PDE4D: variants seen among roughly 807,000 people sequenced by gnomAD.
PDE4D encodes the protein 3',5'-cyclic-AMP phosphodiesterase 4D.
In PDE4D, 24 loss-of-function variants were observed where a neutral mutation model predicts 87.4. That is an observed-to-expected ratio of 0.27 (90% confidence interval 0.20 to 0.39). PDE4D has a LOEUF of 0.39. Ranked by LOEUF, PDE4D falls within the 10% of genes least tolerant of loss-of-function variation. PDE4D has a pLI of 1.00. For synonymous variants in PDE4D, 384 were observed against 383.2 expected (o/e 1.00, Z -0.02); for missense variants, 714 against 1,041.0 (o/e 0.69, Z 4.32).
intron 1 of PDE4D, among the ~76,000 whole-genome samples, chr5:60,433,697 T>C (rs1744539890): frequency 6.6e-6 from 1 of 152,160 alleles, no homozygotes; most frequent in African/African-American, 2.4e-5. Context: ...TTAGACTGAA[T>C]AAAGAAAATG....
intron 3 of PDE4D, among the ~76,000 whole-genome samples, chr5:59,955,607 A>G (rs1454739556): frequency 6.6e-6 from 1 of 152,122 alleles, no homozygotes; most frequent in African/African-American, 2.4e-5. Flanking sequence ...AGCGAGGAGC[A>G]TTTTCTTTTT....
intron 2 of PDE4D, among the ~76,000 whole-genome samples, chr5:60,046,081 A>G (rs1466122762): frequency 1.3e-5 from 2 of 152,138 alleles, no homozygotes; most frequent in African/African-American, 4.8e-5. Context: ...GGTCCTTCAC[A>G]TCCCTTGTTA....
intron 5 of PDE4D, among the ~76,000 whole-genome samples, chr5:59,169,366 C>T (rs1437573362): frequency 6.6e-6 from 1 of 151,144 alleles, no homozygotes; most frequent in Non-Finnish European, 1.5e-5. Flanking sequence ...GGTACTGTGT[C>T]CAAGAAGACA....
At chr5:59,817,205 G>T (rs1769073139) in intron 1 of PDE4D, among the ~76,000 whole-genome samples, 1 of 152,228 alleles carries the variant, frequency 6.6e-6, no homozygotes, top group Non-Finnish European at 1.5e-5. Context: ...AGGAAGTTTG[G>T]AAGATTAGAT....
At chr5:59,005,603 A>C (rs9292189) in intron 6 of PDE4D, among the ~76,000 whole-genome samples, 31,338 of 152,154 alleles carry the variant, frequency 0.21, 3,679 homozygotes, top group East Asian at 0.54. Context: ...TCTTATAGTC[A>C]GACTTGGCTT....
At chr5:60,493,548 C>A (rs1749646624) in intron 1 of PDE4D, among the ~76,000 whole-genome samples, 3 of 152,176 alleles carry the variant, frequency 2.0e-5, no homozygotes, top group African/African-American at 2.4e-5. Context: ...GAAGGAATAG[C>A]CACCCCAGAG....
chr5:59,297,212 C>T (rs1056918653), intron 1 of PDE4D, among the ~76,000 whole-genome samples: 9 of 152,162 alleles, frequency 5.9e-5, no homozygotes, highest in African/African-American at 1.2e-4. Flanking sequence ...TCAGAGTTAA[C>T]ATCCTATAAA....
At chr5:60,005,493 C>A (rs547735926) in intron 2 of PDE4D, among the ~76,000 whole-genome samples, 2 of 152,034 alleles carry the variant, frequency 1.3e-5, no homozygotes, top group South Asian at 4.2e-4. Context: ...CATATACACA[C>A]ACATACATAC....
intron 1 of PDE4D, among the ~76,000 whole-genome samples, chr5:59,520,150 C>T (rs1016108252): frequency 6.6e-6 from 1 of 152,114 alleles, no homozygotes; most frequent in African/African-American, 2.4e-5. Flanking sequence ...GTAGTCCCAG[C>T]TACTTCGAAG....
intron 1 of PDE4D, among the ~76,000 whole-genome samples, chr5:59,453,968 T>TA (rs1799532466): frequency 1.3e-5 from 2 of 152,230 alleles, no homozygotes; most frequent in South Asian, 4.1e-4. Flanking sequence ...TAGGGGCTAA[T>TA]GCAGCTGAGG....
Position 60,244,876 on chromosome 5 carries a change from T to C in PDE4D, c.-89-59189A>G, listed in dbSNP as rs146883568. 4.1e-3 allele frequency among the ~76,000 whole-genome samples: 622 copies of C among 152,140 alleles called. 14 individuals are homozygous for C. The highest frequency in any genetic ancestry group is 0.033 in the Admixed American group (508 of 15,242). On this transcript the variant is annotated intron_variant, in intron 1 of 16. Coordinates refer to the PDE4D transcript ENST00000502484. Reference sequence around the variant, plus strand: ...ACATTGGGGAAACTCTCCAGGACACTGGACTGGGCAAAAATTTCTTGAGTA... The same window carrying C: ...ACATTGGGGAAACTCTCCAGGACACCGGACTGGGCAAAAATTTCTTGAGTA...
intron 1 of PDE4D, among the ~76,000 whole-genome samples, chr5:60,428,772 A>G (rs1442508653): frequency 6.6e-6 from 1 of 152,232 alleles, no homozygotes; most frequent in Non-Finnish European, 1.5e-5. Flanking sequence ...ATTATTTACC[A>G]TTGTGTTACC....
At chr5:60,417,719 G>GA (rs1048448216) in intron 1 of PDE4D, among the ~76,000 whole-genome samples, 6 of 151,482 alleles carry the variant, frequency 4.0e-5, no homozygotes, top group African/African-American at 9.7e-5. Context: ...CCAAGAAGAA[G>GA]AAAAAAAACT....
At chr5:60,293,685 C>T (rs149339530) in intron 1 of PDE4D, among the ~76,000 whole-genome samples, 1 of 152,174 alleles carries the variant, frequency 6.6e-6, no homozygotes, top group Non-Finnish European at 1.5e-5. Context: ...GAAATGGAAT[C>T]ATACCACATG....
intron 1 of PDE4D, among the ~76,000 whole-genome samples, chr5:59,416,090 T>C (rs779700913): frequency 2.0e-5 from 3 of 152,310 alleles, no homozygotes; most frequent in East Asian, 3.9e-4. Context: ...CATGATCACA[T>C]TGTTAATCTC....
intron 1 of PDE4D, among the ~76,000 whole-genome samples, chr5:59,863,686 T>C (rs1746608175): frequency 6.6e-6 from 1 of 152,218 alleles, no homozygotes; most frequent in Non-Finnish European, 1.5e-5. Flanking sequence ...GGTATTGATC[T>C]CTGTCCATTG....
intron 6 of PDE4D, among the ~76,000 whole-genome samples, chr5:59,012,623 C>T (rs1366462187): frequency 1.3e-5 from 2 of 152,144 alleles, no homozygotes; most frequent in Admixed American, 6.5e-5. Context: ...TATATATGCA[C>T]CCAATACAGG....
intron 1 of PDE4D, among the ~76,000 whole-genome samples, chr5:60,440,539 A>C (rs1745122760): frequency 6.6e-6 from 1 of 152,150 alleles, no homozygotes; most frequent in Admixed American, 6.6e-5. Flanking sequence ...TTTGAGGTTC[A>C]TTTGAAGAAC....
chr5:59,688,939 C>A (rs985389834), intron 1 of PDE4D, among the ~76,000 whole-genome samples: 1 of 152,164 alleles, frequency 6.6e-6, no homozygotes, highest in African/African-American at 2.4e-5. Context: ...ATACTATAAA[C>A]ACCTCTATGC....
Sources: allele counts gnomAD v4.1 joint callset (sites outside exome capture counted in the v4.1 genomes callset), GRCh38; gene constraint gnomAD v4.1.1; transcripts MANE v1.5; gene names NCBI Gene and HGNC (gene_info 2026-07-23, HGNC 2026-07-21).